The following SAV1 variants were observed in gnomAD, a reference collection of about 807,000 sequenced individuals.
SAV1 encodes the protein protein salvador homolog 1.
SAV1 carries 23 observed loss-of-function variants against 47.3 expected under a neutral mutation model. The observed-to-expected ratio is 0.49, with a 90% confidence interval of 0.35 to 0.69. The LOEUF (loss-of-function observed/expected upper bound fraction) is 0.69, where lower values mean the gene tolerates loss of function less well. SAV1 is among the 30% of genes least tolerant of loss of function. SAV1 has a pLI of 0.01. For missense variants in SAV1, 448 were observed against 457.4 expected (o/e 0.98, Z 0.19); for synonymous variants, 155 against 159.2 (o/e 0.97, Z 0.20).
Position 50,664,959 on chromosome 14 carries a change from T to G in SAV1, c.535+220A>C, listed in dbSNP as rs180821063. The G allele has an allele frequency of 1.1e-4, 58 of 505,152 alleles. 1 individual carries two copies. In the Admixed American group the frequency reaches 1.6e-3, roughly 14 times the overall value. The allele number at this position is 505,152 out of a possible 1,614,324, so 31.3% of individuals were successfully genotyped here. A position where few individuals can be genotyped will look rare whatever the true frequency, so the allele number is the denominator to read the frequency against. ...AGACAGCCTTGAGATAAATACCAAG[T>G]TTACATAACATGAGTTAATAAAATA... On this transcript the variant is annotated intron_variant, in intron 2 of 4. Transcript: ENST00000324679.
chr14:50,635,188 A>G lies in SAV1; in HGVS notation c.1147T>C (p.Phe383Leu), dbSNP rs752606612. The change falls in exon 5 of 5, where the codon TTT becomes CTT. Residue 383 changes from phenylalanine to leucine, a missense_variant. By Grantham distance (22) the Phe-to-Leu change is conservative. Coordinates refer to ENST00000324679, the MANE Select transcript of SAV1 (RefSeq NM_021818.4). The stretch of plus-strand genomic sequence containing the variant: ...TAAATTTTTAAAAAATCAGCTCAAA[A>G]ATTTTTTCCATGTTGTTGGGCATAC... ...QWYAQQHGKN[F>L] 2 of 1,610,520 alleles carry G rather than the reference A, an allele frequency of 1.2e-6. No homozygotes were observed. The highest frequency in any genetic ancestry group is 2.2e-5 in the East Asian group (1 of 44,866).
In SAV1 at chr14:50,667,957, C is replaced by A. The variant is rs1159131896; in HGVS notation, c.11G>T (p.Arg4Leu). 1 of 1,611,174 alleles carries A rather than the reference C, an allele frequency of 6.2e-7. No individual in the cohort carries two copies. The highest frequency in any genetic ancestry group is 8.5e-7 in the Non-Finnish European group (1 of 1,179,126). ...GGACACTTCGTTTTTGGTTTTCTTTCGGGACAGCATCCTTCTCGACGAGGC... is the reference window on the plus strand; with the variant it reads ...GGACACTTCGTTTTTGGTTTTCTTTAGGGACAGCATCCTTCTCGACGAGGC... MLSRKKTKNEVSKP... is the reference protein window; with the variant it reads MLSLKKTKNEVSKP... The change falls in exon 1 of 5, where the codon CGA becomes CTA. Residue 4 changes from arginine (R) to leucine (L), a missense_variant. Physicochemically the swap from Arg to Leu is moderately radical, Grantham distance 102 (BLOSUM62 -2). Transcript: ENST00000324679.
chr14:50,653,686 T>G (rs747969819), intron 2 of SAV1, among the ~76,000 whole-genome samples: 2 of 152,012 alleles, frequency 1.3e-5, no homozygotes, highest in African/African-American at 2.4e-5. Flanking sequence ...CTGGCCAACA[T>G]GGTGAAACCC....
At chr14:50,653,833 C>T (rs964358971) in intron 2 of SAV1, among the ~76,000 whole-genome samples, 15 of 150,630 alleles carry the variant, frequency 1.0e-4, no homozygotes, top group African/African-American at 3.7e-4. Flanking sequence ...CATGCCACTG[C>T]ACTCCAACCT....
intron 4 of SAV1, among the ~76,000 whole-genome samples, chr14:50,636,745 A>C (rs2039638255): frequency 6.6e-6 from 1 of 152,226 alleles, no homozygotes; most frequent in South Asian, 2.1e-4. Flanking sequence ...TCAAAAAGGA[A>C]GAGAACTATG....
At chr14:50,656,177 T>C (rs185818369) in intron 2 of SAV1, among the ~76,000 whole-genome samples, 2 of 152,332 alleles carry the variant, frequency 1.3e-5, no homozygotes, top group Middle Eastern at 3.4e-3. Context: ...TACTCTTACA[T>C]TTAAACAACA....
intron 2 of SAV1, among the ~76,000 whole-genome samples, chr14:50,659,841 C>G (rs571952046): frequency 1.3e-5 from 2 of 152,166 alleles, no homozygotes; most frequent in South Asian, 4.2e-4. Flanking sequence ...AAGATCCTGT[C>G]TCAAAAAAGA....
At chr14:50,640,520 C>A (rs1193698169) in intron 4 of SAV1, among the ~76,000 whole-genome samples, 1 of 152,144 alleles carries the variant, frequency 6.6e-6, no homozygotes, top group Admixed American at 6.5e-5. Flanking sequence ...ATAGCAGAGG[C>A]CCGCACACAA....
intron 2 of SAV1, chr14:50,663,155 CAAGTA>C (rs1363011741): frequency 6.6e-6 from 1 of 152,094 alleles, no homozygotes; most frequent in Non-Finnish European, 1.5e-5. Flanking sequence ...GAAAATCATT[CAAGTA>C]AAAAGAACAG....
At chr14:50,651,723 C>A (rs552365507) in intron 2 of SAV1, among the ~76,000 whole-genome samples, 217 of 152,226 alleles carry the variant, frequency 1.4e-3, no homozygotes, top group Non-Finnish European at 2.5e-3. Flanking sequence ...ACCTCCTGGG[C>A]TCAAGCAATC....
chr14:50,659,082 T>A (rs200518167), intron 2 of SAV1, among the ~76,000 whole-genome samples: 14,957 of 151,256 alleles, frequency 0.099, 1,415 homozygotes, highest in East Asian at 0.51. Context: ...AATTTTTTTT[T>A]TTTTTTTTTT....
intron 4 of SAV1, among the ~76,000 whole-genome samples, chr14:50,638,175 C>T (rs1048738955): frequency 8.5e-5 from 13 of 152,164 alleles, no homozygotes; most frequent in African/African-American, 2.9e-4. Context: ...TACATAGTTA[C>T]TACCCTTCTG....
intron 1 of SAV1, chr14:50,667,627 G>A: frequency 1.9e-6 from 1 of 513,392 alleles, no homozygotes; most frequent in South Asian, 2.4e-5. Context: ...GGTGGGGCGA[G>A]GAAGTCTGTT....
intron 2 of SAV1, among the ~76,000 whole-genome samples, chr14:50,654,882 G>C (rs1232499766): frequency 6.6e-6 from 1 of 152,172 alleles, no homozygotes; most frequent in East Asian, 1.9e-4. Flanking sequence ...CTATGCAATA[G>C]AAAGTACACA....
At chr14:50,652,704 T>C (rs2039778966) in intron 2 of SAV1, among the ~76,000 whole-genome samples, 1 of 152,056 alleles carries the variant, frequency 6.6e-6, no homozygotes, top group Admixed American at 6.6e-5. Flanking sequence ...TACATGATAA[T>C]ATGGAACATG....
intron 1 of SAV1, among the ~76,000 whole-genome samples, chr14:50,666,798 A>C (rs1324787507): frequency 1.4e-5 from 2 of 144,296 alleles, no homozygotes; most frequent in Non-Finnish European, 3.0e-5. Flanking sequence ...AAAAAAAAAC[A>C]ACTTAAAAAT....
intron 2 of SAV1, among the ~76,000 whole-genome samples, chr14:50,652,957 G>T (rs927246156): frequency 1.3e-5 from 2 of 152,118 alleles, no homozygotes; most frequent in Admixed American, 1.3e-4. Flanking sequence ...CTTGAACCCG[G>T]GAGGTGGAGG....
intron 4 of SAV1, among the ~76,000 whole-genome samples, chr14:50,639,944 T>C (rs976697176): frequency 6.6e-6 from 1 of 152,066 alleles, no homozygotes; most frequent in Admixed American, 6.6e-5. Flanking sequence ...AAGAGGAAAA[T>C]AGGAAAGAAA....
Position 50,658,058 on chromosome 14 carries a change from T to C in SAV1, c.535+7121A>G, listed in dbSNP as rs145584034. Among the ~76,000 whole-genome samples the C allele has an allele frequency of 5.7e-4, 87 of 152,360 alleles. No homozygotes were observed. The South Asian group carries it at 6.0e-3, about 11-fold the overall frequency. On this transcript the variant is annotated intron_variant, in intron 2 of 4. Transcript: ENST00000324679. ...TTATTAGCATGTGTTATAATCAAGATGTTGATAAAAAGATCTAAGTATTAA... is the reference window on the plus strand; with the variant it reads ...TTATTAGCATGTGTTATAATCAAGACGTTGATAAAAAGATCTAAGTATTAA...
Sources: allele counts gnomAD v4.1 joint callset (sites outside exome capture counted in the v4.1 genomes callset), GRCh38; gene constraint gnomAD v4.1.1; transcripts MANE v1.5; gene names NCBI Gene and HGNC (gene_info 2026-07-23, HGNC 2026-07-21).